The following ADH4 variants were observed in gnomAD, a reference collection of about 807,000 sequenced individuals.
ADH4 encodes the protein all-trans-retinol dehydrogenase [NAD(+)] ADH4.
Under a neutral mutation model 35.2 loss-of-function variants are expected in ADH4, and 31 were observed. That is an observed-to-expected ratio of 0.88 (90% CI 0.66 to 1.19). ADH4 has a LOEUF of 1.19. Among genes scored for constraint, ADH4 ranks in the 50% most tolerant of loss-of-function variants. The pLI, the probability that ADH4 is intolerant of heterozygous loss-of-function variation, is 0.00. For synonymous variants in ADH4, 171 were observed against 160.2 expected (o/e 1.07, Z -0.51); for missense variants, 476 against 458.3 (o/e 1.04, Z -0.35).
At chr4:99,129,863 A>G (rs910368047) in intron 6 of ADH4, among the ~76,000 whole-genome samples, 3 of 152,186 alleles carry the variant, frequency 2.0e-5, no homozygotes, top group Non-Finnish European at 4.4e-5. Context: ...ACTAAGAATT[A>G]TGTATTCCCC....
chr4:99,127,092 C>T, intron 7 of ADH4, 117 bp downstream of exon 7: 1 of 737,800 alleles, frequency 1.4e-6, no homozygotes, highest in Non-Finnish European at 2.1e-6. Flanking sequence ...TTTGGATATG[C>T]TCTAGGGATT....
In ADH4 at chr4:99,126,599, T is replaced by A; in HGVS notation, c.1113A>T (p.Gly371=). 1 of 1,605,268 alleles carries A rather than the reference T, an allele frequency of 6.2e-7. No individual in the cohort carries two copies. Among genetic ancestry groups the A allele is most frequent in the Non-Finnish European group, 8.5e-7 (1 of 1,173,612 alleles). The change falls in exon 8 of 9, where the codon GGA becomes GGT. Residue 371 remains glycine, a synonymous_variant. Transcript: ENST00000265512. ...ISEAFDLMNQ[G]KSVRTILIF is the part of the protein sequence containing the mutation. ...GTCATCTATTAGTAATGTACCTTTTTCCTTGGTTCATTAGGTCAAATGCCT... is the reference window on the plus strand; with the variant it reads ...GTCATCTATTAGTAATGTACCTTTTACCTTGGTTCATTAGGTCAAATGCCT...
chr4:99,132,267 C>T (rs1325658902), intron 5 of ADH4, among the ~76,000 whole-genome samples: 2 of 152,190 alleles, frequency 1.3e-5, no homozygotes, highest in Non-Finnish European at 2.9e-5. Context: ...CCAGCTTCAT[C>T]CCCATGATAT....
chr4:99,126,476 A>G, intron 8 of ADH4, 118 bp downstream of exon 8: 4 of 987,422 alleles, frequency 4.1e-6, no homozygotes, highest in Non-Finnish European at 6.0e-6. Context: ...AAGCACATCT[A>G]GTACCTGGGA....
In ADH4 at chr4:99,131,679, G is replaced by A. The variant is rs1000224044; in HGVS notation, c.668C>T (p.Ser223Phe). 3 of 1,613,948 alleles carry A rather than the reference G, an allele frequency of 1.9e-6. No homozygotes were observed. The African/African-American group carries it at 4.0e-5, about 22-fold the overall frequency. ...AVMGCKAAGA[S>F]RIIGIDINSE... The stretch of plus-strand genomic sequence containing the variant: ...GTTGATGTCAATACCTATGATTCTG[G>A]AAGCTCCTGCTGCTTTACAACCCAT... The change falls in exon 6 of 9, where the codon TCC becomes TTC. Residue 223 changes from serine to phenylalanine, a missense_variant. Physicochemically the swap from Ser to Phe is radical, Grantham distance 155. Coordinates refer to ENST00000265512, the MANE Select transcript of ADH4 (RefSeq NM_000670.5).
chr4:99,141,383 T>G (rs967345528), intron 3 of ADH4, among the ~76,000 whole-genome samples, 158 bp downstream of exon 3: 6 of 152,350 alleles, frequency 3.9e-5, no homozygotes, highest in African/African-American at 1.4e-4. Context: ...TCTGTCCTAT[T>G]GCTAGACTGT....
At chr4:99,140,456 C>T (rs1729574086) in intron 3 of ADH4, among the ~76,000 whole-genome samples, 1 of 152,058 alleles carries the variant, frequency 6.6e-6, no homozygotes, top group Non-Finnish European at 1.5e-5. Flanking sequence ...TGCCTGTAAT[C>T]CCAGCTACTC....
chr4:99,134,380 G>GTATA (rs29001188), intron 5 of ADH4, among the ~76,000 whole-genome samples: 31,747 of 151,654 alleles, frequency 0.21, 3,952 homozygotes, highest in Non-Finnish European at 0.28. Context: ...ATTCTACAGT[G>GTATA]TATATATATA....
At chr4:99,129,483 G>A (rs1729207781) in intron 6 of ADH4, among the ~76,000 whole-genome samples, 1 of 152,092 alleles carries the variant, frequency 6.6e-6, no homozygotes, top group Non-Finnish European at 1.5e-5. Context: ...ATTCCCCTAT[G>A]TTAAAACAAA....
chr4:99,130,320 C>G (rs1472530630), intron 6 of ADH4, among the ~76,000 whole-genome samples: 2 of 152,144 alleles, frequency 1.3e-5, no homozygotes, highest in South Asian at 2.1e-4. Context: ...TTAATCACTG[C>G]AAGGTTATAA....
At chr4:99,143,564 T>A (rs926237324) in intron 1 of ADH4, among the ~76,000 whole-genome samples, 2 of 152,176 alleles carry the variant, frequency 1.3e-5, no homozygotes, top group Non-Finnish European at 2.9e-5. Flanking sequence ...TAATCTTCTG[T>A]TCTAACACTA....
intron 1 of ADH4, chr4:99,143,296 A>G (rs1729696478): frequency 2.9e-6 from 2 of 696,764 alleles, no homozygotes; most frequent in South Asian, 3.0e-5. Flanking sequence ...CAAATCCACT[A>G]AATCAAAATC....
chr4:99,135,080 A>G (rs769632336), intron 5 of ADH4, among the ~76,000 whole-genome samples: 2 of 152,106 alleles, frequency 1.3e-5, no homozygotes, highest in Non-Finnish European at 2.9e-5. Flanking sequence ...GCCCTCAAGG[A>G]ACAAATAGTA....
chr4:99,131,277 A>G (rs1242297744), intron 6 of ADH4, among the ~76,000 whole-genome samples: 1 of 152,204 alleles, frequency 6.6e-6, no homozygotes, highest in Non-Finnish European at 1.5e-5. Context: ...ACAAGAGAAG[A>G]CTGAACTCAC....
Position 99,142,711 on chromosome 4 carries a change from C to T in ADH4, c.88G>A (p.Ala30Thr), listed in dbSNP as rs1298318132. ...KPLCIEEVEV[A>T]PPKAHEVRIQ... ...CGAACTTCATGAGCCTTGGGGGGAG[C>T]TACTTCAACCTCTTCAATGCAAAGG... The change falls in exon 2 of 9, where the codon GCT (alanine) becomes ACT (threonine). Residue 30 changes from alanine to threonine, a missense_variant. Ala to Thr is a moderately conservative substitution (Grantham distance 58, BLOSUM62 0). Transcript: ENST00000265512. 41 of 1,600,666 alleles carry T rather than the reference C, an allele frequency of 2.6e-5. No individual in the cohort carries two copies. The highest frequency in any genetic ancestry group is 3.1e-5 in the Non-Finnish European group (37 of 1,175,298).
Position 99,126,745 on chromosome 4 carries a change from C to T in ADH4, c.980-13G>A. The T allele has an allele frequency of 1.3e-6, 2 of 1,573,962 alleles. No homozygotes were observed. Among genetic ancestry groups the T allele is most frequent in the African/African-American group, 1.3e-5 (1 of 74,488 alleles). On this transcript the variant is annotated splice_polypyrimidine_tract_variant and intron_variant, in intron 7 of 8. Transcript: ENST00000265512. Reference sequence around the variant, plus strand: ...ACACTTTTCCAACCTGTAATGTGGACAAAATGCAAAATAAAGACATGGCAC... The same window carrying T: ...ACACTTTTCCAACCTGTAATGTGGATAAAATGCAAAATAAAGACATGGCAC...
In ADH4 at chr4:99,144,237, C is replaced by T. The variant is rs1468198210; in HGVS notation, c.-15G>A. ...TTGGTGCCCATTTTTCTTTGGGAAA[C>T]TGTGTTGGAAGTTTCTTTCTGAGTT... On this transcript the variant is annotated 5_prime_UTR_variant, in exon 1 of 9. Coordinates refer to ENST00000265512, the MANE Select transcript of ADH4 (RefSeq NM_000670.5). 1 of 1,613,052 alleles carries T rather than the reference C, an allele frequency of 6.2e-7. No homozygotes were observed. The highest frequency in any genetic ancestry group is 2.2e-5 in the East Asian group (1 of 44,848).
In ADH4 at chr4:99,126,578, T is replaced by C. The variant is rs764524833; in HGVS notation, c.1118+16A>G. 1.9e-6 allele frequency: 3 copies of C among 1,575,446 alleles called. No individual in the cohort carries two copies. The highest frequency in any genetic ancestry group is 2.6e-6 in the Non-Finnish European group (3 of 1,153,358). ...AAACGTTTTTTAAATCATTCAGTCA[T>C]CTATTAGTAATGTACCTTTTTCCTT... On this transcript the variant is annotated intron_variant, in intron 8 of 8. Coordinates refer to ENST00000265512, the MANE Select transcript of ADH4 (RefSeq NM_000670.5).
chr4:99,135,296 G>T (rs1010157344), intron 5 of ADH4, among the ~76,000 whole-genome samples: 1 of 152,072 alleles, frequency 6.6e-6, no homozygotes, highest in Non-Finnish European at 1.5e-5. Context: ...AGGCATCGTG[G>T]TGCATGCCTG....
Sources: allele counts gnomAD v4.1 joint callset (sites outside exome capture counted in the v4.1 genomes callset), GRCh38; gene constraint gnomAD v4.1.1; transcripts MANE v1.5; gene names NCBI Gene and HGNC (gene_info 2026-07-23, HGNC 2026-07-21).